The following JAK2 variants were observed in gnomAD, a reference collection of about 807,000 sequenced individuals.
JAK2 encodes the protein Janus kinase 2.
In JAK2, 86 loss-of-function variants were observed where a neutral mutation model predicts 139.3. That is an observed-to-expected ratio of 0.62 (90% confidence interval 0.52 to 0.74). The LOEUF is 0.74. Ranked by LOEUF, JAK2 falls within the 30% of genes least tolerant of loss-of-function variation. The pLI, the probability that JAK2 is intolerant of heterozygous loss-of-function variation, is 0.00. For missense variants in JAK2, 1,421 were observed against 1,360.3 expected (o/e 1.04, Z -0.70); for synonymous variants, 490 against 437.7 (o/e 1.12, Z -1.49).
rs1185168080 is a variant in JAK2, at chr9:5,129,436, T to C, written c.*2645T>C. Among the ~76,000 whole-genome samples the C allele has an allele frequency of 2.0e-5, 3 of 152,134 alleles. No homozygotes were observed. Among genetic ancestry groups the C allele is most frequent in the African/African-American group, 7.2e-5 (3 of 41,448 alleles). ...ACTGTATTGTCTTTAATGAACACTG[T>C]TGTATCCCATCCTAATTCTTGTACT... On this transcript the variant is annotated 3_prime_UTR_variant, in exon 25 of 25. Transcript: ENST00000381652.
chr9:5,050,598 C>A, intron 5 of JAK2, 88 bp from the exon 6 acceptor site: 1 of 1,358,158 alleles, frequency 7.4e-7, no homozygotes, highest in Non-Finnish European at 1.0e-6. Flanking sequence ...TGCATATGTT[C>A]TGAAAATTAT....
At chr9:5,108,355 C>T in intron 22 of JAK2, 1 of 152,230 alleles carries the variant, frequency 6.6e-6, no homozygotes, top group East Asian at 1.9e-4. Flanking sequence ...CGCCTCAATG[C>T]AAGCTCATAT....
At chr9:5,110,852 C>T in intron 22 of JAK2, 1 of 478,422 alleles carries the variant, frequency 2.1e-6, no homozygotes, top group South Asian at 1.8e-5. Context: ...GGGGGGGACG[C>T]TTCATGCCGC....
At chr9:4,987,629 G>T (rs1263080605) in intron 2 of JAK2, among the ~76,000 whole-genome samples, 1 of 150,278 alleles carries the variant, frequency 6.7e-6, no homozygotes, top group Admixed American at 6.6e-5. Context: ...CCAGCTACTC[G>T]GGAGGGTGAG....
At chr9:5,055,832 C>G (rs1348496666) in intron 8 of JAK2, 44 bp downstream of exon 8, 2 of 1,531,374 alleles carry the variant, frequency 1.3e-6, no homozygotes, top group Admixed American at 1.9e-5. Context: ...TTTTATAGTT[C>G]TCAGAAATGT....
chr9:5,112,408 A>G, intron 22 of JAK2: 1 of 466,736 alleles, frequency 2.1e-6, no homozygotes, highest in South Asian at 2.6e-5. Flanking sequence ...GAGGAGGATG[A>G]GGAGAACACG....
At chr9:5,037,678 A>G (rs879289280) in intron 4 of JAK2, among the ~76,000 whole-genome samples, 4 of 152,154 alleles carry the variant, frequency 2.6e-5, no homozygotes, top group Admixed American at 1.3e-4. Context: ...GGACACAGGA[A>G]TGGAACATCA....
chr9:5,100,530 T>C (rs903356642), intron 22 of JAK2: 2 of 152,268 alleles, frequency 1.3e-5, no homozygotes, highest in Non-Finnish European at 2.9e-5. Flanking sequence ...TGGTTTCTTC[T>C]GGGCATTCTA....
In JAK2 at chr9:5,029,923, A is replaced by C. The variant is rs771625963; in HGVS notation, c.350+17A>C. On this transcript the variant is annotated intron_variant, in intron 4 of 24. Coordinates refer to ENST00000381652, the MANE Select transcript of JAK2 (RefSeq NM_004972.4). ...CAGAATAAGGTACTTTCTTCAGTAA[A>C]GTAACTCACTTAATGCTAAAAGGCA... 2.8e-5 allele frequency: 44 copies of C among 1,571,518 alleles called. No homozygotes were observed. Among genetic ancestry groups the C allele is most frequent in the Non-Finnish European group, 3.8e-5 (44 of 1,164,518 alleles).
chr9:5,061,046 T>C (rs965875966), intron 8 of JAK2, among the ~76,000 whole-genome samples: 1 of 152,236 alleles, frequency 6.6e-6, no homozygotes, highest in African/African-American at 2.4e-5. Flanking sequence ...AATCTTTTTT[T>C]CTGAGCAGAT....
chr9:5,128,354 A>C lies in JAK2; in HGVS notation c.*1563A>C, dbSNP rs1032058137. ...AAATCATCTAAAATGACAGTGAATTAGGTTTTAAAAAGATTTTAGATTTTT... is the reference window on the plus strand; with the variant it reads ...AAATCATCTAAAATGACAGTGAATTCGGTTTTAAAAAGATTTTAGATTTTT... On this transcript the variant is annotated 3_prime_UTR_variant, in exon 25 of 25. Coordinates refer to ENST00000381652, the MANE Select transcript of JAK2 (RefSeq NM_004972.4). Among the ~76,000 whole-genome samples the C allele has an allele frequency of 2.0e-5, 3 of 151,852 alleles. No homozygotes were observed. Among genetic ancestry groups the C allele is most frequent in the African/African-American group, 7.2e-5 (3 of 41,452 alleles).
At chr9:5,045,306 T>G (rs1216371323) in intron 5 of JAK2, among the ~76,000 whole-genome samples, 1 of 152,172 alleles carries the variant, frequency 6.6e-6, no homozygotes, top group East Asian at 1.9e-4. Flanking sequence ...TGGCTCGCAT[T>G]TCTGAGAGGA....
chr9:5,015,480 A>G (rs1821983748), intron 2 of JAK2, among the ~76,000 whole-genome samples: 1 of 152,110 alleles, frequency 6.6e-6, no homozygotes, highest in African/African-American at 2.4e-5. Context: ...CTTAGCACAA[A>G]TCAAAGCAGT....
chr9:5,052,668 T>C (rs2130392070), intron 6 of JAK2, among the ~76,000 whole-genome samples: 1 of 152,224 alleles, frequency 6.6e-6, no homozygotes, highest in East Asian at 1.9e-4. Context: ...CCCCAGCCTC[T>C]GGAAACCACT....
At chr9:4,996,316 T>C (rs1246218766) in intron 2 of JAK2, among the ~76,000 whole-genome samples, 5 of 152,088 alleles carry the variant, frequency 3.3e-5, no homozygotes, top group African/African-American at 4.8e-5. Context: ...GGTGTGGTGG[T>C]GCATGCCTGT....
chr9:5,050,975 G>A, intron 6 of JAK2, 144 bp downstream of exon 6: 1 of 764,592 alleles, frequency 1.3e-6, no homozygotes. Flanking sequence ...AATCAGAAAT[G>A]CTTCAGATTT....
chr9:5,090,726 G>T lies in JAK2; in HGVS notation c.2887-13G>T, dbSNP rs1554676514. 1.3e-6 allele frequency: 2 copies of T among 1,575,022 alleles called. No individual in the cohort carries two copies. Among genetic ancestry groups the T allele is most frequent in the Non-Finnish European group, 1.7e-6 (2 of 1,167,124 alleles). On this transcript the variant is annotated splice_polypyrimidine_tract_variant and intron_variant, in intron 21 of 24. Transcript: ENST00000381652. ...TTATAAAACTAGCTGAAAGAAAAAT[G>T]TTTTATCCATAGGGTATGGAGTATC...
At position 5,089,727 on chromosome 9, in the gene JAK2, TG is replaced by T; in HGVS notation, c.2629del (p.Glu877ArgfsTer5). ...GGTATGACCCTCTACAGGACAACACTGGGGAGGTGGTCGCTGTAAAAAAGCT... is the reference window on the plus strand; with the variant it reads ...GGTATGACCCTCTACAGGACAACACTGGGAGGTGGTCGCTGTAAAAAAGCT... ...CRYDPLQDNTGEVVAVKKLQH... is the reference protein window; with the variant it reads ...CRYDPLQDNTXEVVAVKKLQH... On this transcript the variant is annotated frameshift_variant, in exon 20 of 25. Coordinates refer to ENST00000381652, the MANE Select transcript of JAK2 (RefSeq NM_004972.4). LOFTEE classifies it high-confidence loss of function. 6.3e-7 allele frequency: 1 copy of T among 1,579,864 alleles called. No homozygotes were observed. Among genetic ancestry groups the T allele is most frequent in the South Asian group, 1.2e-5 (1 of 86,452 alleles).
intron 2 of JAK2, among the ~76,000 whole-genome samples, chr9:5,005,509 A>C (rs1436378698): frequency 1.3e-5 from 2 of 152,118 alleles, no homozygotes; most frequent in African/African-American, 4.8e-5. Flanking sequence ...TCCTGGGGGT[A>C]AATTCATTTG....
Sources: allele counts gnomAD v4.1 joint callset (sites outside exome capture counted in the v4.1 genomes callset), GRCh38; gene constraint gnomAD v4.1.1; transcripts MANE v1.5; gene names NCBI Gene and HGNC (gene_info 2026-07-23, HGNC 2026-07-21).